Variants in NFKBIB observed in about 807,000 individuals in gnomAD.
NFKBIB encodes NFKB inhibitor beta.
In NFKBIB, 16 loss-of-function variants were observed where a neutral mutation model predicts 32.1. The observed-to-expected ratio is 0.50, with a 90% confidence interval of 0.34 to 0.76. NFKBIB has a LOEUF of 0.76. Ranked by LOEUF, NFKBIB falls within the 30% of genes least tolerant of loss-of-function variation. The pLI is 0.01. For missense variants in NFKBIB, 437 were observed against 514.9 expected, an observed-to-expected ratio of 0.85 and a Z score of 1.46; for synonymous variants, 222 against 219.5, an observed-to-expected ratio of 1.01 and a Z score of -0.10.
intron 1 of NFKBIB, among the ~76,000 whole-genome samples, chr19:38,901,115 G>T (rs1826218526): frequency 6.6e-6 from 1 of 152,210 alleles, no homozygotes; most frequent in Non-Finnish European, 1.5e-5. Context: ...ATGAGGGATT[G>T]TACTGGGTTT....
At chr19:38,900,252 G>A (rs752427640) in intron 1 of NFKBIB, 41 bp downstream of exon 1, 3 of 1,535,910 alleles carry the variant, frequency 2.0e-6, no homozygotes, top group Non-Finnish European at 1.7e-6. Flanking sequence ...CCTAGGACCC[G>A]GCGTCACATT....
rs1020429793 is a variant in NFKBIB, at chr19:38,905,591, C to T, written c.619+56C>T. 1 of 1,404,354 alleles carries T rather than the reference C, an allele frequency of 7.1e-7. No individual in the cohort carries two copies. The highest frequency in any genetic ancestry group is 9.7e-7 in the Non-Finnish European group (1 of 1,028,618). 87.0% of individuals were successfully genotyped at this position (1,404,354 alleles called of 1,614,324 possible). On this transcript the variant is annotated intron_variant, in intron 3 of 5. Transcript: ENST00000313582. This position sits in a 1 kb window ranked among gnomAD's most constrained non-coding sequence, Gnocchi z 5.5. Reference sequence around the variant, plus strand: ...TCCTGGGCTAGGCGAGAGCACCTGGCCCTGGGCTCAGCTTCCCTGATTTGA... The same window carrying T: ...TCCTGGGCTAGGCGAGAGCACCTGGTCCTGGGCTCAGCTTCCCTGATTTGA...
chr19:38,905,476 A>G lies in NFKBIB; in HGVS notation c.560A>G (p.Lys187Arg). 1.2e-6 allele frequency: 2 copies of G among 1,613,846 alleles called. No homozygotes were observed. The highest frequency in any genetic ancestry group is 1.7e-6 in the Non-Finnish European group (2 of 1,179,854). ...TTGTACCCCGATTCCGACTTGGAGA[A>G]GGAAGAAGAGGAGAGTGAGGAGGAC... The part of the protein sequence containing the change: ...VALYPDSDLE[K>R]EEEESEEDWK... The change falls in exon 3 of 6, where the codon AAG becomes AGG. Residue 187 changes from lysine to arginine, a missense_variant. Lys to Arg is a conservative substitution (Grantham distance 26, BLOSUM62 2). Transcript: ENST00000313582. The surrounding 1 kb of genome is among the most constrained non-coding windows in gnomAD (Gnocchi z 5.5).
At position 38,900,120 on chromosome 19, in the gene NFKBIB, GC is replaced by G; in HGVS notation, c.93del (p.Gly32GlufsTer35). 1.3e-6 allele frequency: 2 copies of G among 1,581,830 alleles called. No homozygotes were observed. Among genetic ancestry groups the G allele is most frequent in the South Asian group, 1.1e-5 (1 of 87,094 alleles). On this transcript the variant is annotated frameshift_variant, in exon 1 of 6. Transcript: ENST00000313582. LOFTEE classifies it high-confidence loss of function. ...GGGCTCCCTGGGTCCGGACGCAGCG[GC>G]CCCCGGAGGACCTGGGTTGGGCGCG... is the stretch of plus-strand genomic sequence containing the variant. ...GLGSLGPDAA[A>X]PGGPGLGAEL...
intron 5 of NFKBIB, 122 bp downstream of exon 5, chr19:38,907,781 C>T (rs189676135): frequency 4.3e-5 from 63 of 1,451,226 alleles, no homozygotes; most frequent in South Asian, 4.1e-4. Context: ...CAGGCAGCAG[C>T]GCCAGTGACA....
chr19:38,903,003 A>T lies in NFKBIB; in HGVS notation c.180-2012A>T, dbSNP rs1022823739. ...AGAATCGCTTGAACCCGGGAGGCGGAGGTTGCAGTGAGCTGAGATCACGCC... is the reference window on the plus strand; with the variant it reads ...AGAATCGCTTGAACCCGGGAGGCGGTGGTTGCAGTGAGCTGAGATCACGCC... On this transcript the variant is annotated intron_variant, in intron 1 of 5. Coordinates refer to ENST00000313582, the MANE Select transcript of NFKBIB (RefSeq NM_002503.5). 2.0e-5 allele frequency among the ~76,000 whole-genome samples: 3 copies of T among 152,062 alleles called. No individual in the cohort carries two copies. In the South Asian group the frequency reaches 6.2e-4, roughly 32 times the overall value.
rs778168546 is a variant in NFKBIB at position 38,908,815 on chromosome 19, G to A, written c.1054G>A (p.Asp352Asn). The change falls in exon 6 of 6, where the codon GAC (aspartate) becomes AAC (asparagine). Residue 352 changes from aspartate to asparagine, a missense_variant. Transcript: ENST00000313582. Reference sequence around the variant, plus strand: ...CCCAGCCTCAAAACCTCTTCCTGACGACCCCCGCCCCGTGTGATTTGTTTC... The same window carrying A: ...CCCAGCCTCAAAACCTCTTCCTGACAACCCCCGCCCCGTGTGATTTGTTTC... Reference protein sequence around the residue: ...PTPASKPLPDDPRPV With the variant: ...PTPASKPLPDNPRPV 1.7e-5 allele frequency: 27 copies of A among 1,612,542 alleles called. No individual in the cohort carries two copies. The highest frequency in any genetic ancestry group is 3.3e-5 in the South Asian group (3 of 90,876).
chr19:38,900,007 G>C lies in NFKBIB; in HGVS notation c.-26G>C. On this transcript the variant is annotated 5_prime_UTR_variant, in exon 1 of 6. Transcript: ENST00000313582. ...AGCCCAGCTACAGGCGGGCGACTGC[G>C]GGGGGCCCCTGAGGCGGCGGGGGCC... 1 of 1,444,788 alleles carries C rather than the reference G, an allele frequency of 6.9e-7. No homozygotes were observed. The allele number at this position is 1,444,788 out of a possible 1,614,324, so 89.5% of individuals were successfully genotyped here.
chr19:38,908,061 G>A (rs1003335015), intron 5 of NFKBIB: 16 of 1,065,116 alleles, frequency 1.5e-5, no homozygotes, highest in Middle Eastern at 4.4e-4. Flanking sequence ...CCGAGCCAGC[G>A]GTGGGGAGAG....
In NFKBIB at chr19:38,905,081, C is replaced by T. The variant is rs142337920; in HGVS notation, c.246C>T (p.Ala82=). The change falls in exon 2 of 6, where the codon GCC becomes GCT. Residue 82 remains alanine, a synonymous_variant. Coordinates refer to ENST00000313582, the MANE Select transcript of NFKBIB (RefSeq NM_002503.5). The surrounding 1 kb of genome is among the most constrained non-coding windows in gnomAD (Gnocchi z 5.5). ...TGGATTTTCTTCTAGGCTTCTCGGC[C>T]GGCACTGAGTACATGGACCTGCAGA... ...PFLDFLLGFS[A]GTEYMDLQND... 3.0e-5 allele frequency: 49 copies of T among 1,614,054 alleles called. No homozygotes were observed. Among genetic ancestry groups the T allele is most frequent in the African/African-American group, 1.9e-4 (14 of 74,922 alleles).
At chr19:38,907,816 G>C (rs1012097407) in intron 5 of NFKBIB, 157 bp downstream of exon 5, 1 of 1,431,440 alleles carries the variant, frequency 7.0e-7, no homozygotes, top group African/African-American at 1.4e-5. Context: ...GGAGAGACCT[G>C]GACAGGGGTG....
chr19:38,907,839 T>C (rs992207097), intron 5 of NFKBIB, 180 bp downstream of exon 5: 64 of 1,413,952 alleles, frequency 4.5e-5, no homozygotes, highest in Admixed American at 1.8e-4. Flanking sequence ...GGGAAGAGCT[T>C]GGGCAGAAGT....
At chr19:38,904,774 C>T (rs113171098) in intron 1 of NFKBIB, among the ~76,000 whole-genome samples, 6 of 151,582 alleles carry the variant, frequency 4.0e-5, no homozygotes, top group African/African-American at 1.2e-4. Flanking sequence ...GTTTGTTTCA[C>T]GTGGGAGTGA....
At chr19:38,899,680 C>T (rs1268542736), upstream of NFKBIB, 4 of 1,018,924 alleles carry the variant, frequency 3.9e-6, no homozygotes, top group Non-Finnish European at 6.0e-6. Flanking sequence ...AACTACAACT[C>T]TCAGCAGACA....
chr19:38,900,694 CTAAT>C (rs1308876846), intron 1 of NFKBIB, among the ~76,000 whole-genome samples: 3 of 152,096 alleles, frequency 2.0e-5, no homozygotes, highest in South Asian at 2.1e-4. Flanking sequence ...TGTTGAATTC[CTAAT>C]TAAAGTAAAA....
chr19:38,900,094 TG>T lies in NFKBIB; in HGVS notation c.65del (p.Gly22AlafsTer45). The T allele has an allele frequency of 6.4e-7, 1 of 1,554,816 alleles. No homozygotes were observed. Among genetic ancestry groups the T allele is most frequent in the Non-Finnish European group, 8.7e-7 (1 of 1,155,350 alleles). On this transcript the variant is annotated frameshift_variant, in exon 1 of 6. Transcript: ENST00000313582. LOFTEE classifies it high-confidence loss of function. ...GCAGATGAATGGTGCGACAGCGGCC[TG>T]GGCTCCCTGGGTCCGGACGCAGCGG... ...ADADEWCDSG[L>X]GSLGPDAAAP...
chr19:38,904,613 TCTC>T (rs1600145225), intron 1 of NFKBIB, among the ~76,000 whole-genome samples: 1 of 152,144 alleles, frequency 6.6e-6, no homozygotes, highest in East Asian at 1.9e-4. Flanking sequence ...TTTGAAACTC[TCTC>T]AAGACAATAA....
Sources: gnomAD v4.1 joint callset for allele counts (sites outside exome capture counted in the v4.1 genomes callset) on GRCh38, gnomAD v4.1.1 for gene constraint, Gnocchi (gnomAD v3.1) non-coding constraint, MANE v1.5 for transcripts, NCBI Gene and HGNC (gene_info 2026-07-23, HGNC 2026-07-21) for gene names.